ARFGEF1: variants seen among roughly 807,000 people sequenced by gnomAD.
ARFGEF1 encodes brefeldin A-inhibited guanine nucleotide-exchange protein 1.
A neutral mutation model predicts 231.0 loss-of-function variants in ARFGEF1; 42 were observed. The observed-to-expected ratio is 0.18, with a 90% CI of 0.14 to 0.24. The LOEUF is 0.24. Among genes scored for constraint, ARFGEF1 ranks in the 10% least tolerant of loss-of-function variants. The pLI, the probability that ARFGEF1 is intolerant of heterozygous loss-of-function variation, is 1.00. For synonymous variants in ARFGEF1, 710 were observed against 732.3 expected (o/e 0.97, Z 0.49); for missense variants, 1,345 against 2,192.0 (o/e 0.61, Z 7.72).
intron 5 of ARFGEF1, among the ~76,000 whole-genome samples, chr8:67,293,746 C>A (rs1395900783): frequency 6.6e-6 from 1 of 152,086 alleles, no homozygotes; most frequent in Non-Finnish European, 1.5e-5. Context: ...TAGTCCCTTT[C>A]CACAATGTAC....
chr8:67,300,809 A>C, intron 3 of ARFGEF1, among the ~76,000 whole-genome samples: 1 of 151,736 alleles, frequency 6.6e-6, no homozygotes, highest in Non-Finnish European at 1.5e-5. Context: ...ACGCCACTGC[A>C]CTCCAGCCCA....
At chr8:67,273,047 C>G (rs980099389) in intron 9 of ARFGEF1, among the ~76,000 whole-genome samples, 1 of 152,026 alleles carries the variant, frequency 6.6e-6, no homozygotes, top group Non-Finnish European at 1.5e-5. Context: ...GTGGAGGTTG[C>G]AGTGAGCTGA....
Position 67,251,445 on chromosome 8 carries a change from C to T in ARFGEF1, c.2704G>A (p.Ala902Thr), listed in dbSNP as rs1840279703. 1.3e-6 allele frequency: 2 copies of T among 1,599,514 alleles called. No individual in the cohort carries two copies. ...IPTKSSKQNV[A>T]SEKQRRLLYN... is the part of the protein sequence containing the mutation. ...AGAAGTCTTCTTTGTTTTTCACTGG[C>T]TACATCTGAAACAATAAACACTATC... is the stretch of plus-strand genomic sequence containing the variant. The change falls in exon 19 of 39, where the codon GCC becomes ACC. Residue 902 changes from alanine to threonine, a missense_variant. Physicochemically the swap from Ala to Thr is moderately conservative, Grantham distance 58 (BLOSUM62 0). Around this residue, in one of 14 missense-constraint regions of ARFGEF1, gnomAD observed 23 missense variants for 21.6 expected, o/e 1.07. Coordinates refer to ENST00000262215, the MANE Select transcript of ARFGEF1 (RefSeq NM_006421.5).
At chr8:67,332,031 G>A (rs902437048) in intron 1 of ARFGEF1, among the ~76,000 whole-genome samples, 3 of 152,046 alleles carry the variant, frequency 2.0e-5, no homozygotes, top group Admixed American at 6.5e-5. Flanking sequence ...AAACTTAAAT[G>A]TAACATGTCC....
intron 7 of ARFGEF1, among the ~76,000 whole-genome samples, chr8:67,280,294 CA>C (rs1805481406): frequency 2.0e-5 from 3 of 152,194 alleles, no homozygotes; most frequent in Admixed American, 6.5e-5. Context: ...GAGCTGACCA[CA>C]GCCATGATCA....
Position 67,302,470 on chromosome 8 carries a change from AG to A in ARFGEF1, c.125-5del, listed in dbSNP as rs761402906. 25 of 1,562,700 alleles carry A rather than the reference AG, an allele frequency of 1.6e-5. No individual in the cohort carries two copies. Among genetic ancestry groups the A allele is most frequent in the Non-Finnish European group, 2.1e-5 (24 of 1,158,744 alleles). Reference sequence around the variant, plus strand: ...TCAGTTTCCGCTTTTATTTCCTCTGAGGGGAAAAAAAAAGAAGCATACATTA... The same window carrying A: ...TCAGTTTCCGCTTTTATTTCCTCTGAGGGAAAAAAAAAGAAGCATACATTA... On this transcript the variant is annotated splice_region_variant and splice_polypyrimidine_tract_variant and intron_variant, in intron 1 of 38. Transcript: ENST00000262215.
At chr8:67,183,668 A>G (rs1470036978) in intron 5 of ARFGEF1, among the ~76,000 whole-genome samples, 2 of 152,162 alleles carry the variant, frequency 1.3e-5, no homozygotes, top group Admixed American at 1.3e-4. Flanking sequence ...CTTTCTTTCT[A>G]CTTTCCTAAT....
chr8:67,286,145 G>A (rs1044241210), intron 7 of ARFGEF1, among the ~76,000 whole-genome samples: 2 of 152,220 alleles, frequency 1.3e-5, no homozygotes, highest in South Asian at 2.1e-4. Flanking sequence ...TATATGCTGT[G>A]AGGTATTTAC....
intron 18 of ARFGEF1, among the ~76,000 whole-genome samples, chr8:67,252,465 A>G (rs569574192): frequency 6.6e-6 from 1 of 152,152 alleles, no homozygotes; most frequent in Admixed American, 6.5e-5. Context: ...ACCACCATAT[A>G]TAAAATAGGA....
chr8:67,311,334 G>A (rs1417186156), intron 1 of ARFGEF1, among the ~76,000 whole-genome samples: 1 of 125,920 alleles, frequency 7.9e-6, no homozygotes, highest in Non-Finnish European at 1.7e-5. Flanking sequence ...TCCAGGAGGT[G>A]AGGGGCGCCT....
In ARFGEF1 at chr8:67,277,193, A is replaced by G. The variant is rs1587196450; in HGVS notation, c.1203+89T>C. 17 of 1,287,396 alleles carry G rather than the reference A, an allele frequency of 1.3e-5. 1 individual carries two copies. In the South Asian group the frequency reaches 2.5e-4, roughly 19 times the overall value. The allele number at this position is 1,287,396 out of a possible 1,614,324, so 79.7% of individuals were successfully genotyped here. On this transcript the variant is annotated intron_variant, in intron 8 of 38. Coordinates refer to ENST00000262215, the MANE Select transcript of ARFGEF1 (RefSeq NM_006421.5). ...TAAATAAAAATCAGGCAGCATCATC[A>G]GCTGAAAATACTCATGACAAGGTGG...
At chr8:67,325,245 A>G (rs895319435) in intron 1 of ARFGEF1, among the ~76,000 whole-genome samples, 5 of 151,922 alleles carry the variant, frequency 3.3e-5, no homozygotes, top group Non-Finnish European at 5.9e-5. Context: ...TTTTAACAGA[A>G]AATGGCTAAT....
chr8:67,218,626 GT>G (rs1839040161), intron 30 of ARFGEF1, among the ~76,000 whole-genome samples: 1 of 151,602 alleles, frequency 6.6e-6, no homozygotes, highest in African/African-American at 2.4e-5. Flanking sequence ...GCTATACAAC[GT>G]AAGTGTAATT....
chr8:67,285,551 A>AT (rs528583233), intron 7 of ARFGEF1, among the ~76,000 whole-genome samples: 2 of 152,134 alleles, frequency 1.3e-5, no homozygotes, highest in South Asian at 4.2e-4. Flanking sequence ...GGGTGAATAA[A>AT]TTTTCATATC....
chr8:67,218,210 ATATATATAT>A, intron 30 of ARFGEF1, 72 bp from the exon 31 acceptor site: 2 of 96,336 alleles, frequency 2.1e-5, no homozygotes, highest in African/African-American at 1.2e-4. Context: ...AAAAAAAAAT[ATATATATAT>A]ATATATATAT....
At chr8:67,249,398 T>A (rs935369230) in intron 19 of ARFGEF1, among the ~76,000 whole-genome samples, 1 of 150,148 alleles carries the variant, frequency 6.7e-6, no homozygotes, top group Non-Finnish European at 1.5e-5. Context: ...GTTAGGTGTA[T>A]TAAATACATT....
chr8:67,193,518 A>T (rs1369231073), downstream of ARFGEF1: 4 of 1,612,658 alleles, frequency 2.5e-6, no homozygotes, highest in South Asian at 4.4e-5. Context: ...ATCTATATCC[A>T]GTGTAAATGT....
intron 1 of ARFGEF1, among the ~76,000 whole-genome samples, chr8:67,312,185 A>G (rs530978359): frequency 5.9e-5 from 9 of 151,544 alleles, no homozygotes; most frequent in Non-Finnish European, 1.0e-4. Flanking sequence ...CTATTGTCCC[A>G]TGACCCTGCC....
chr8:67,221,248 AAAAGTTAATTGG>A (rs1182326550), intron 29 of ARFGEF1, among the ~76,000 whole-genome samples: 2 of 152,192 alleles, frequency 1.3e-5, no homozygotes, highest in African/African-American at 4.8e-5. Flanking sequence ...CAAATTTTTA[AAAAGTTAATTGG>A]AAAACAGCCT....
Sources: allele counts gnomAD v4.1 joint callset (sites outside exome capture counted in the v4.1 genomes callset), GRCh38; gene constraint gnomAD v4.1.1; regional missense constraint gnomAD v4.1.1; transcripts MANE v1.5; gene names NCBI Gene and HGNC (gene_info 2026-07-23, HGNC 2026-07-21).